The following EXOC4 variants were observed in gnomAD, a reference collection of about 807,000 sequenced individuals.
EXOC4 encodes SEC8-like 1.
In EXOC4, 71 loss-of-function variants were observed where a neutral mutation model predicts 107.2. The ratio of observed to expected loss-of-function variants is 0.66; its 90% CI spans 0.55 to 0.81. EXOC4 has a LOEUF of 0.81. Ranked by LOEUF, EXOC4 falls within the 30% of genes least tolerant of loss-of-function variation. The pLI is 0.00. For synonymous variants in EXOC4, 456 were observed against 441.2 expected (o/e 1.03, Z -0.42); for missense variants, 1,108 against 1,189.6 (o/e 0.93, Z 1.01).
In EXOC4 at chr7:133,933,125, A is replaced by G. The variant is rs76402976; in HGVS notation, c.2028-4766A>G. Among the ~76,000 whole-genome samples, 7 of 152,040 alleles carry G rather than the reference A, an allele frequency of 4.6e-5. No homozygotes were observed. In the East Asian group the frequency reaches 1.4e-3, roughly 29 times the overall value. On this transcript the variant is annotated intron_variant, in intron 13 of 17. Coordinates refer to ENST00000253861, the MANE Select transcript of EXOC4 (RefSeq NM_021807.4). Reference sequence around the variant, plus strand: ...AGACTAAATGGAGACAATTTTGAGCATCTTTGGCAAAATTTCCTTAAATGA... The same window carrying G: ...AGACTAAATGGAGACAATTTTGAGCGTCTTTGGCAAAATTTCCTTAAATGA...
intron 10 of EXOC4, among the ~76,000 whole-genome samples, chr7:133,668,408 C>A (rs984771850): frequency 6.6e-6 from 1 of 152,070 alleles, no homozygotes; most frequent in African/African-American, 2.4e-5. Context: ...TAGTTTTTTT[C>A]TTGTAAATAG....
At chr7:133,846,037 A>G (rs1484133496) in intron 11 of EXOC4, among the ~76,000 whole-genome samples, 2 of 152,106 alleles carry the variant, frequency 1.3e-5, no homozygotes, top group Admixed American at 6.6e-5. Context: ...CACACACACG[A>G]GAACTTTATA....
chr7:133,917,477 G>A (rs75286006), intron 12 of EXOC4, 106 bp from the exon 13 acceptor site: 35,761 of 1,092,198 alleles, frequency 0.033, 749 homozygotes, highest in Non-Finnish European at 0.038. Context: ...ATGTTCAAAG[G>A]AGAGATGAGT....
intron 7 of EXOC4, among the ~76,000 whole-genome samples, chr7:133,410,826 A>T (rs183276619): frequency 1.1e-3 from 174 of 152,280 alleles, no homozygotes; most frequent in Middle Eastern, 3.4e-3. Flanking sequence ...ATAATGTCAC[A>T]TCTTGATAAT....
chr7:133,895,399 C>G (rs1306985259), intron 11 of EXOC4, among the ~76,000 whole-genome samples, 200 bp from the exon 12 acceptor site: 1 of 152,154 alleles, frequency 6.6e-6, no homozygotes, highest in Non-Finnish European at 1.5e-5. Flanking sequence ...CTGCGTCGCT[C>G]ACGCTGGGAG....
chr7:133,860,427 T>A (rs1798508642), intron 11 of EXOC4, among the ~76,000 whole-genome samples: 1 of 152,190 alleles, frequency 6.6e-6, no homozygotes. Flanking sequence ...CAATTCCTCA[T>A]GCCTAAAAAG....
chr7:134,015,911 C>T (rs1156946819), intron 17 of EXOC4, among the ~76,000 whole-genome samples: 1 of 146,784 alleles, frequency 6.8e-6, no homozygotes, highest in Non-Finnish European at 1.5e-5. Context: ...AGGGCTTCAA[C>T]AATGTATCAG....
intron 14 of EXOC4, among the ~76,000 whole-genome samples, chr7:133,981,036 C>T (rs932035690): frequency 2.6e-5 from 4 of 152,194 alleles, no homozygotes; most frequent in African/African-American, 9.7e-5. Flanking sequence ...GAGGTGGCCA[C>T]ACTTGTCCTC....
At chr7:134,094,180 G>T in the EXOC4 span, among the ~76,000 whole-genome samples, 130 of 152,074 alleles carry the variant, frequency 8.5e-4, no homozygotes, top group African/African-American at 3.0e-3. Context: ...TGCTAGCTAG[G>T]TTAACGAAGA....
intron 1 of EXOC4, among the ~76,000 whole-genome samples, chr7:133,261,074 T>G (rs1240567281): frequency 6.6e-6 from 1 of 152,186 alleles, no homozygotes; most frequent in Admixed American, 6.5e-5. Flanking sequence ...CTTCTTTATC[T>G]GGAAGTTTGC....
chr7:133,572,261 A>G lies in EXOC4; in HGVS notation c.1418-57784A>G, dbSNP rs182100050. ...TGTTTACTTTTGTTTCTACATTGTTACAGCTTATTGGAATAACTCAGATTC... is the reference window on the plus strand; with the variant it reads ...TGTTTACTTTTGTTTCTACATTGTTGCAGCTTATTGGAATAACTCAGATTC... On this transcript the variant is annotated intron_variant, in intron 9 of 17. Coordinates refer to ENST00000253861, the MANE Select transcript of EXOC4 (RefSeq NM_021807.4). 1.2e-4 allele frequency among the ~76,000 whole-genome samples: 19 copies of G among 152,326 alleles called. No homozygotes were observed. In the East Asian group the frequency reaches 3.7e-3, roughly 29 times the overall value.
At chr7:133,846,245 A>G (rs1032850962) in intron 11 of EXOC4, among the ~76,000 whole-genome samples, 1 of 152,194 alleles carries the variant, frequency 6.6e-6, no homozygotes, top group African/African-American at 2.4e-5. Context: ...AGACTTTCAT[A>G]TAATCTTTTA....
At chr7:134,083,343 C>T in the EXOC4 span, among the ~76,000 whole-genome samples, 6 of 152,220 alleles carry the variant, frequency 3.9e-5, no homozygotes, top group African/African-American at 1.4e-4. Flanking sequence ...ATGTCTAAGG[C>T]AGACTCTCAC....
At chr7:133,915,530 TG>T (rs999172081) in intron 12 of EXOC4, among the ~76,000 whole-genome samples, 6 of 152,042 alleles carry the variant, frequency 3.9e-5, no homozygotes, top group Admixed American at 2.0e-4. Context: ...AAAGGGCAAA[TG>T]TTTTTTTAAA....
the EXOC4 span, among the ~76,000 whole-genome samples, chr7:134,093,514 A>G: frequency 6.6e-6 from 1 of 152,224 alleles, no homozygotes; most frequent in East Asian, 1.9e-4. Flanking sequence ...TACACAGGTC[A>G]TCGAGGAAGA....
chr7:134,022,752 C>T (rs1038089977), intron 17 of EXOC4, among the ~76,000 whole-genome samples: 1 of 152,178 alleles, frequency 6.6e-6, no homozygotes, highest in Non-Finnish European at 1.5e-5. Flanking sequence ...AATAGTGAGG[C>T]CTGTATACTG....
intron 9 of EXOC4, among the ~76,000 whole-genome samples, chr7:133,569,350 C>T (rs10954418): frequency 0.62 from 94,469 of 151,940 alleles, 30,439 homozygotes; most frequent in South Asian, 0.73. Flanking sequence ...ACAACAAATA[C>T]GTTAGATATG....
chr7:133,853,488 C>G (rs1798284697), intron 11 of EXOC4, among the ~76,000 whole-genome samples: 1 of 152,008 alleles, frequency 6.6e-6, no homozygotes, highest in Non-Finnish European at 1.5e-5. Flanking sequence ...ACCTCAACTT[C>G]TTGAGTAGCT....
chr7:133,399,088 G>C (rs1327657049), intron 7 of EXOC4, among the ~76,000 whole-genome samples: 1 of 152,080 alleles, frequency 6.6e-6, no homozygotes, highest in Non-Finnish European at 1.5e-5. Context: ...GCCATTTTCA[G>C]TTTATAGTTA....
Sources: gnomAD v4.1 joint callset for allele counts (sites outside exome capture counted in the v4.1 genomes callset) on GRCh38, gnomAD v4.1.1 for gene constraint, MANE v1.5 for transcripts, NCBI Gene and HGNC (gene_info 2026-07-23, HGNC 2026-07-21) for gene names.